The following PLEKHA5 variants were observed in gnomAD, a reference collection of about 807,000 sequenced individuals.
The protein encoded by PLEKHA5 is pleckstrin homology domain containing A5, also known as pleckstrin homology domain-containing family A member 5.
Under a neutral mutation model 181.9 loss-of-function variants are expected in PLEKHA5, and 55 were observed. The observed-to-expected ratio is 0.30, with a 90% CI of 0.24 to 0.38. The LOEUF (loss-of-function observed/expected upper bound fraction) is 0.38, where lower values mean the gene tolerates loss of function less well. Ranked by LOEUF, PLEKHA5 falls within the 10% of genes least tolerant of loss-of-function variation. The pLI is 1.00. For missense variants in PLEKHA5, 1,432 were observed against 1,549.5 expected (o/e 0.92, Z 1.27); for synonymous variants, 535 against 529.4 (o/e 1.01, Z -0.15).
intron 31 of PLEKHA5, 96 bp downstream of exon 31, chr12:19,369,894 G>T (rs2095533387): frequency 1.5e-6 from 1 of 651,636 alleles, no homozygotes; most frequent in Non-Finnish European, 2.6e-6. Flanking sequence ...ATTAGTTCTG[G>T]ACTGTACATA....
At chr12:19,332,714 A>AGTACAATG (rs1234080946) in intron 20 of PLEKHA5, among the ~76,000 whole-genome samples, 1 of 152,184 alleles carries the variant, frequency 6.6e-6, no homozygotes, top group Non-Finnish European at 1.5e-5. Flanking sequence ...CACAGGCTGG[A>AGTACAATG]GTACAATGGC....
chr12:19,335,561 G>T (rs1045706166), intron 20 of PLEKHA5, among the ~76,000 whole-genome samples: 1 of 148,072 alleles, frequency 6.8e-6, no homozygotes, highest in African/African-American at 2.5e-5. Flanking sequence ...GATTACAGGC[G>T]CCTGCCACTG....
chr12:19,323,467 C>T (rs769185913), intron 20 of PLEKHA5, among the ~76,000 whole-genome samples: 7 of 151,936 alleles, frequency 4.6e-5, no homozygotes, highest in Non-Finnish European at 1.0e-4. Flanking sequence ...CGCGCCATTA[C>T]GTTCCAGCCT....
rs559359558 is a variant in PLEKHA5, at chr12:19,203,023, A to T, written c.228-50917A>T. ...AGGTTTTGCTGGTAGAGAAAGGGTAAATCAGTAAGTTAAAGAATAAGTGAT... is the reference window on the plus strand; with the variant it reads ...AGGTTTTGCTGGTAGAGAAAGGGTATATCAGTAAGTTAAAGAATAAGTGAT... On this transcript the variant is annotated intron_variant, in intron 3 of 31. Transcript: ENST00000429027. Among the ~76,000 whole-genome samples, 6 of 152,212 alleles carry T rather than the reference A, an allele frequency of 3.9e-5. No homozygotes were observed. In the South Asian group the frequency reaches 1.2e-3, roughly 32 times the overall value.
rs368530911 is a variant in PLEKHA5 at position 19,289,402 on chromosome 12, G to A, written c.1864-1275G>A. Reference sequence around the variant, plus strand: ...AATAAAGAGCAATAGCAAATAAACAGAACGGAAGAGAGTTAATGCAATGCT... The same window carrying A: ...AATAAAGAGCAATAGCAAATAAACAAAACGGAAGAGAGTTAATGCAATGCT... On this transcript the variant is annotated intron_variant, in intron 13 of 31. Transcript: ENST00000429027. 1.2e-4 allele frequency among the ~76,000 whole-genome samples: 18 copies of A among 152,288 alleles called. No homozygotes were observed. In the East Asian group the frequency reaches 2.9e-3, roughly 24 times the overall value.
At chr12:19,229,884 G>A (rs1333286911) in intron 3 of PLEKHA5, among the ~76,000 whole-genome samples, 3 of 152,186 alleles carry the variant, frequency 2.0e-5, no homozygotes, top group African/African-American at 7.2e-5. Flanking sequence ...AGTTCTCTAA[G>A]TCCCCACAGG....
At chr12:19,157,937 T>G (rs2042130397) in intron 3 of PLEKHA5, among the ~76,000 whole-genome samples, 1 of 152,208 alleles carries the variant, frequency 6.6e-6, no homozygotes, top group Admixed American at 6.5e-5. Flanking sequence ...TAGTCATCAT[T>G]TTGTGTAACA....
intron 31 of PLEKHA5, chr12:19,373,512 T>C (rs916659008): frequency 6.6e-5 from 10 of 151,316 alleles, no homozygotes; most frequent in African/African-American, 1.9e-4. Flanking sequence ...TCTACTAAAA[T>C]TACAAAATTA....
Position 19,130,181 on chromosome 12 carries a change from G to T in PLEKHA5, c.169+51G>T. On this transcript the variant is annotated intron_variant, in intron 2 of 31. Transcript: ENST00000429027. The surrounding 1 kb of genome is among the most constrained non-coding windows in gnomAD (Gnocchi z 4.5). ...GGCTCCGCCTGGAGGAGGCGGCAGA[G>T]CCCGGGCCGCCCGGCTCCCCGCAAC... is the stretch of plus-strand genomic sequence containing the variant. 8.2e-7 allele frequency: 1 copy of T among 1,218,524 alleles called. No individual in the cohort carries two copies. Among genetic ancestry groups the T allele is most frequent in the Non-Finnish European group, 1.1e-6 (1 of 891,452 alleles). 75.5% of individuals were successfully genotyped at this position (1,218,524 alleles called of 1,614,324 possible). A position where few individuals can be genotyped will look rare whatever the true frequency, so the allele number is the denominator to read the frequency against.
chr12:19,219,748 G>A (rs2058634078), intron 3 of PLEKHA5, among the ~76,000 whole-genome samples: 1 of 151,898 alleles, frequency 6.6e-6, no homozygotes, highest in Non-Finnish European at 1.5e-5. Context: ...TGTACCTAAT[G>A]TATAGGCTCA....
At chr12:19,245,201 T>C (rs1342398986) in intron 3 of PLEKHA5, among the ~76,000 whole-genome samples, 14 of 152,240 alleles carry the variant, frequency 9.2e-5, no homozygotes, top group Non-Finnish European at 7.3e-5. Flanking sequence ...CTTTTGAATA[T>C]GCTAGCGCAG....
intron 3 of PLEKHA5, among the ~76,000 whole-genome samples, chr12:19,212,852 A>C (rs977692357): frequency 7.1e-6 from 1 of 140,630 alleles, no homozygotes; most frequent in African/African-American, 2.7e-5. Context: ...TTTTTTTTTT[A>C]ATTTCAGGCT....
At chr12:19,176,480 G>A (rs1223689669) in intron 3 of PLEKHA5, 1 of 151,828 alleles carries the variant, frequency 6.6e-6, no homozygotes, top group Non-Finnish European at 1.5e-5. Flanking sequence ...ACTTAGTACG[G>A]ACACGCTATC....
intron 16 of PLEKHA5, among the ~76,000 whole-genome samples, chr12:19,319,302 G>A (rs2090010774): frequency 6.6e-6 from 1 of 152,038 alleles, no homozygotes; most frequent in African/African-American, 2.4e-5. Flanking sequence ...ATTTGCATGA[G>A]GTATGTGAAA....
chr12:19,345,638 G>T (rs67440737), intron 22 of PLEKHA5, among the ~76,000 whole-genome samples: 14,490 of 151,560 alleles, frequency 0.096, 758 homozygotes, highest in Middle Eastern at 0.19. Flanking sequence ...GGTGGCGCAC[G>T]CCTGTAGTCC....
At chr12:19,285,519 C>T (rs904062149) in intron 12 of PLEKHA5, among the ~76,000 whole-genome samples, 1 of 152,166 alleles carries the variant, frequency 6.6e-6, no homozygotes, top group Non-Finnish European at 1.5e-5. Flanking sequence ...GGGTTCCCTC[C>T]CATGACCGTT....
chr12:19,219,604 G>A (rs2058613920), intron 3 of PLEKHA5, among the ~76,000 whole-genome samples: 1 of 150,268 alleles, frequency 6.7e-6, no homozygotes, highest in Admixed American at 6.6e-5. Context: ...TAGGTTACCT[G>A]TTATTATTTT....
chr12:19,290,011 C>T (rs940088503), intron 13 of PLEKHA5, among the ~76,000 whole-genome samples: 6 of 151,998 alleles, frequency 3.9e-5, no homozygotes, highest in East Asian at 1.9e-4. Context: ...GGCGTGATCT[C>T]GGCTCACTGC....
At chr12:19,249,392 G>C (rs2064656471) in intron 3 of PLEKHA5, among the ~76,000 whole-genome samples, 1 of 152,184 alleles carries the variant, frequency 6.6e-6, no homozygotes, top group African/African-American at 2.4e-5. Context: ...ACAGTTTAGA[G>C]ACACTGGACA....
Sources: allele counts gnomAD v4.1 joint callset (sites outside exome capture counted in the v4.1 genomes callset), GRCh38; gene constraint gnomAD v4.1.1; non-coding constraint Gnocchi (gnomAD v3.1); transcripts MANE v1.5; gene names NCBI Gene and HGNC (gene_info 2026-07-23, HGNC 2026-07-21).